HADHA: variants seen among roughly 807,000 people sequenced by gnomAD.
The protein encoded by HADHA is trifunctional enzyme subunit alpha, mitochondrial.
HADHA carries 59 observed loss-of-function variants against 91.3 expected under a neutral mutation model. The ratio of observed to expected loss-of-function variants is 0.65; its 90% CI spans 0.52 to 0.80. The LOEUF (loss-of-function observed/expected upper bound fraction) is 0.80. HADHA is among the 30% of genes least tolerant of loss of function. The pLI, the probability that HADHA is intolerant of heterozygous loss-of-function variation, is 0.00. For missense variants in HADHA, 800 were observed against 927.6 expected, an observed-to-expected ratio of 0.86 and a Z score of 1.79; for synonymous variants, 320 against 338.9, an observed-to-expected ratio of 0.94 and a Z score of 0.61.
chr2:26,227,562 T>C lies in HADHA; in HGVS notation c.676+2630A>G, dbSNP rs190726050. Among the ~76,000 whole-genome samples, 170 of 151,852 alleles carry C rather than the reference T, an allele frequency of 1.1e-3. 1 individual carries two copies. The highest frequency in any genetic ancestry group is 3.9e-3 in the African/African-American group (163 of 41,442). On this transcript the variant is annotated intron_variant, in intron 7 of 19. Transcript: ENST00000380649. ...GTTACTACATTCCTGTTAGAATGTC[T>C]AAAATTAAAAAGATTGACCATGCAA...
intron 5 of HADHA, 77 bp from the exon 6 acceptor site, chr2:26,232,356 G>C: frequency 1.0e-6 from 1 of 980,678 alleles, no homozygotes; most frequent in East Asian, 2.4e-5. Flanking sequence ...AGGGTCTAAA[G>C]ATTATTTATA....
intron 7 of HADHA, among the ~76,000 whole-genome samples, chr2:26,216,031 C>T (rs1203517628): frequency 6.6e-6 from 1 of 152,164 alleles, no homozygotes; most frequent in Admixed American, 6.5e-5. Context: ...CCTATAATCC[C>T]AGCACTTTGG....
At chr2:26,193,900 G>A in intron 16 of HADHA, 128 bp from the exon 17 acceptor site, 2 of 723,122 alleles carry the variant, frequency 2.8e-6, no homozygotes, top group Non-Finnish European at 2.4e-6. Context: ...ACCAGGCCCA[G>A]GACTGGTGCT....
At chr2:26,222,684 C>T (rs528965161) in intron 7 of HADHA, among the ~76,000 whole-genome samples, 4 of 152,222 alleles carry the variant, frequency 2.6e-5, no homozygotes, top group East Asian at 3.9e-4. Context: ...TATAGAGTAC[C>T]TTATGGTATC....
chr2:26,193,041 A>G (rs1475847971), intron 17 of HADHA, among the ~76,000 whole-genome samples: 2 of 151,898 alleles, frequency 1.3e-5, no homozygotes, highest in Non-Finnish European at 2.9e-5. Context: ...ACAGAAAGTC[A>G]CTTCTCTGTG....
At chr2:26,230,147 T>G in intron 7 of HADHA, 45 bp downstream of exon 7, 1 of 1,217,722 alleles carries the variant, frequency 8.2e-7, no homozygotes, top group Non-Finnish European at 1.2e-6. Flanking sequence ...TTTAAGAAAA[T>G]AAGTAACTTT....
In HADHA at chr2:26,204,113, T is replaced by C. The variant is rs1669918474; in HGVS notation, c.1169A>G (p.Lys390Arg). Reference sequence around the variant, plus strand: ...GTCTAGCGCAGTGAGGGTGGCATCTTTAAGTATAGTCTTTAGCCCCTTATC... The same window carrying C: ...GTCTAGCGCAGTGAGGGTGGCATCTCTAAGTATAGTCTTTAGCCCCTTATC... ...SVDKGLKTIL[K>R]DATLTALDRG... The change falls in exon 12 of 20, where the codon AAA becomes AGA. Residue 390 changes from lysine to arginine, a missense_variant. By Grantham distance (26) the Lys-to-Arg change is conservative. Coordinates refer to ENST00000380649, the MANE Select transcript of HADHA (RefSeq NM_000182.5). The C allele has an allele frequency of 1.2e-6, 2 of 1,613,844 alleles. No individual in the cohort carries two copies. Among genetic ancestry groups the C allele is most frequent in the African/African-American group, 2.7e-5 (2 of 74,928 alleles).
rs1670062927 is a variant in HADHA at position 26,210,045 on chromosome 2, C to A, written c.976-156G>T. 6.6e-6 allele frequency among the ~76,000 whole-genome samples: 1 copy of A among 152,200 alleles called. No individual in the cohort carries two copies. Among genetic ancestry groups the A allele is most frequent in the Non-Finnish European group, 1.5e-5 (1 of 68,026 alleles). On this transcript the variant is annotated intron_variant, in intron 10 of 19. Coordinates refer to ENST00000380649, the MANE Select transcript of HADHA (RefSeq NM_000182.5). The surrounding 1 kb of genome is among the most constrained non-coding windows in gnomAD (Gnocchi z 4.0). ...TTTGGGGGTTCAGTGCTGCAGAAGT[C>A]TGTCTCTCACTGATGTGTCTTGTCT...
chr2:26,216,581 A>G (rs1001118144), intron 7 of HADHA, among the ~76,000 whole-genome samples: 3 of 152,100 alleles, frequency 2.0e-5, no homozygotes, highest in African/African-American at 7.2e-5. Flanking sequence ...TCGGCCTCCC[A>G]AAGTGCTAGG....
chr2:26,222,897 A>G (rs187659418), intron 7 of HADHA, among the ~76,000 whole-genome samples: 19 of 152,282 alleles, frequency 1.2e-4, no homozygotes, highest in Admixed American at 4.6e-4. Flanking sequence ...TGCAGAGTCA[A>G]TGTCCTCCAG....
At chr2:26,212,676 T>C (rs1224454430) in intron 9 of HADHA, 50 bp from the exon 10 acceptor site, 1 of 1,159,850 alleles carries the variant, frequency 8.6e-7, no homozygotes, top group Non-Finnish European at 1.3e-6. Context: ...ATTGGCGAGA[T>C]GTACAATAAT....
chr2:26,205,433 T>G (rs77254657), intron 11 of HADHA, among the ~76,000 whole-genome samples: 1 of 152,104 alleles, frequency 6.6e-6, no homozygotes, highest in Admixed American at 6.6e-5. Flanking sequence ...TGGTGAGTGA[T>G]AAGTAATTGC....
chr2:26,195,263 G>A (rs575359999), intron 14 of HADHA, 31 bp from the exon 15 acceptor site: 15 of 1,594,410 alleles, frequency 9.4e-6, no homozygotes, highest in African/African-American at 6.7e-5. Flanking sequence ...CCAACAGATC[G>A]GAGAATGCGG....
At chr2:26,201,096 C>CT (rs1669820579) in intron 13 of HADHA, 53 bp downstream of exon 13, 2 of 1,355,304 alleles carry the variant, frequency 1.5e-6, no homozygotes, top group African/African-American at 1.4e-5. Flanking sequence ...AAAAAAATCT[C>CT]TGTGTTTTCT....
At chr2:26,242,188 C>A (rs921266044) in intron 1 of HADHA, among the ~76,000 whole-genome samples, 29 of 152,308 alleles carry the variant, frequency 1.9e-4, no homozygotes, top group Middle Eastern at 3.4e-3. Flanking sequence ...CCGTGCCTGG[C>A]CCCTTTCAAG....
In HADHA at chr2:26,193,650, G is replaced by C. The variant is rs1194144995; in HGVS notation, c.1812C>G (p.Gly604=). 2 of 1,613,974 alleles carry C rather than the reference G, an allele frequency of 1.2e-6. No individual in the cohort carries two copies. Among genetic ancestry groups the C allele is most frequent in the Non-Finnish European group, 1.7e-6 (2 of 1,179,996 alleles). Residue 604 remains glycine, a synonymous_variant, in exon 17 of 20, where the codon GGC becomes GGG. Transcript: ENST00000380649. ...DVAKHVAEDL[G]KVFGERFGGG... ...CTCCAAACCGCTCCCCAAAGACTTTGCCCAGATCTTCCGCCACATGTTTCG... is the reference window on the plus strand; with the variant it reads ...CTCCAAACCGCTCCCCAAAGACTTTCCCCAGATCTTCCGCCACATGTTTCG...
intron 6 of HADHA, 85 bp downstream of exon 6, chr2:26,232,075 C>T (rs1357969874): frequency 8.6e-6 from 8 of 934,358 alleles, no homozygotes; most frequent in East Asian, 7.5e-5. Context: ...TTTAATTCTA[C>T]AATGAATGCC....
rs768757660 is a variant in HADHA at position 26,204,244 on chromosome 2, TTCAG to T, written c.1086-52_1086-49del. 5 of 1,587,078 alleles carry T rather than the reference TTCAG, an allele frequency of 3.2e-6. No individual in the cohort carries two copies. In the South Asian group the frequency reaches 3.3e-5, roughly 11 times the overall value. On this transcript the variant is annotated intron_variant, in intron 11 of 19. Coordinates refer to ENST00000380649, the MANE Select transcript of HADHA (RefSeq NM_000182.5). ...CTTTCGGTAAACTGATCTTAATCAT[TTCAG>T]TCAAAGTGGAAGATTGCCTAAGTTA... is the stretch of plus-strand genomic sequence containing the variant.
At position 26,194,618 on chromosome 2, in the gene HADHA, A is replaced by G; in HGVS notation, c.1641T>C (p.Thr547=). ...IVVKDGPGFY[T]TRCLAPMMSE... ...ACATCATGGGCGCAAGACACCTGGT[A>G]GTATAGAAGCCAGGTCCATCCTGCC... Residue 547 remains threonine, a synonymous_variant, in exon 16 of 20, where the codon ACT becomes ACC. Transcript: ENST00000380649. 2 of 1,610,374 alleles carry G rather than the reference A, an allele frequency of 1.2e-6. No individual in the cohort carries two copies. The highest frequency in any genetic ancestry group is 1.7e-6 in the Non-Finnish European group (2 of 1,176,756).
Sources: allele counts gnomAD v4.1 joint callset (sites outside exome capture counted in the v4.1 genomes callset), GRCh38; gene constraint gnomAD v4.1.1; non-coding constraint Gnocchi (gnomAD v3.1); transcripts MANE v1.5; gene names NCBI Gene and HGNC (gene_info 2026-07-23, HGNC 2026-07-21).